The following HIVEP1 variants were observed in gnomAD, a reference collection of about 807,000 sequenced individuals.
HIVEP1 encodes the protein HIVEP zinc finger 1, also known as zinc finger protein 40.
HIVEP1 carries 36 observed loss-of-function variants against 180.0 expected under a neutral mutation model. That is an observed-to-expected ratio of 0.20 (90% CI 0.15 to 0.26). The LOEUF is 0.26. Ranked by LOEUF, HIVEP1 falls within the 10% of genes least tolerant of loss-of-function variation. The probability of loss-of-function intolerance (pLI) is 1.00; values close to 1 mark genes in which losing one functional copy is unlikely to be tolerated. For synonymous variants in HIVEP1, 1,239 were observed against 1,239.0 expected (o/e 1.00, Z 0.00); for missense variants, 3,143 against 3,268.7 (o/e 0.96, Z 0.94).
chr6:12,086,550 C>G (rs537170655), intron 2 of HIVEP1, among the ~76,000 whole-genome samples: 1 of 152,046 alleles, frequency 6.6e-6, no homozygotes, highest in Non-Finnish European at 1.5e-5. Context: ...TTTGCTCCCC[C>G]TCCCCTAAAT....
intron 2 of HIVEP1, among the ~76,000 whole-genome samples, chr6:12,046,630 T>C (rs1391433872): frequency 6.6e-6 from 1 of 151,802 alleles, no homozygotes; most frequent in Non-Finnish European, 1.5e-5. Flanking sequence ...AATACAAAAA[T>C]TAGCCAGGCA....
chr6:12,008,358 A>G (rs187764760), upstream of HIVEP1: 278 of 152,350 alleles, frequency 1.8e-3, no homozygotes, highest in African/African-American at 6.4e-3. Context: ...CTCAGGAAAC[A>G]TACTCCACCA....
At chr6:12,190,195 A>T in the HIVEP1 span, among the ~76,000 whole-genome samples, 3 of 152,238 alleles carry the variant, frequency 2.0e-5, no homozygotes, top group African/African-American at 7.2e-5. Flanking sequence ...GACAGGCTGA[A>T]TCTTCACTCT....
At chr6:12,086,903 C>A (rs982969845) in intron 2 of HIVEP1, among the ~76,000 whole-genome samples, 3 of 152,060 alleles carry the variant, frequency 2.0e-5, no homozygotes, top group Non-Finnish European at 4.4e-5. Context: ...TGACTACTTT[C>A]TTTGTAATTT....
chr6:12,200,041 A>T, the HIVEP1 span, among the ~76,000 whole-genome samples: 22 of 152,202 alleles, frequency 1.4e-4, no homozygotes, highest in African/African-American at 5.3e-4. Flanking sequence ...TGTTGTAAAG[A>T]TGGAGACCAA....
At chr6:12,147,044 G>T (rs1759414864) in intron 7 of HIVEP1, among the ~76,000 whole-genome samples, 1 of 152,174 alleles carries the variant, frequency 6.6e-6, no homozygotes, top group African/African-American at 2.4e-5. Context: ...GGAGTTGCTT[G>T]ACCGAAGACA....
intron 1 of HIVEP1, 83 bp from the exon 2 acceptor site, chr6:12,015,443 G>C (rs1206966782): frequency 9.4e-6 from 5 of 532,160 alleles, no homozygotes; most frequent in Non-Finnish European, 1.7e-5. Flanking sequence ...GTTTAGGTTA[G>C]TGCTCTGCTA....
At position 12,122,111 on chromosome 6, in the gene HIVEP1, C is replaced by T. The variant is rs368881885; in HGVS notation, c.2316C>T (p.Thr772=). The change falls in exon 4 of 9, where the codon ACC becomes ACT. Residue 772 remains threonine (T), a synonymous_variant. Coordinates refer to ENST00000379388, the MANE Select transcript of HIVEP1 (RefSeq NM_002114.4). The stretch of plus-strand genomic sequence containing the variant: ...TGGATAGTGTGAAGCCGCGGAGAAC[C>T]TCACTGTCAAGACGAGGAAGCATTG... The part of the protein sequence containing the change: ...KQLDSVKPRR[T]SLSRRGSIDS... 1 of 1,614,204 alleles carries T rather than the reference C, an allele frequency of 6.2e-7. No individual in the cohort carries two copies. The highest frequency in any genetic ancestry group is 2.2e-5 in the East Asian group (1 of 44,886).
intron 6 of HIVEP1, among the ~76,000 whole-genome samples, 193 bp downstream of exon 6, chr6:12,131,135 C>A (rs1758394938): frequency 6.6e-6 from 1 of 151,776 alleles, no homozygotes; most frequent in South Asian, 2.1e-4. Context: ...TAATTGTACA[C>A]TTTTAGAATA....
intron 2 of HIVEP1, 87 bp from the exon 3 acceptor site, chr6:12,089,097 C>T: frequency 1.5e-6 from 1 of 675,626 alleles, no homozygotes; most frequent in Non-Finnish European, 2.6e-6. Context: ...AGGTATCTGA[C>T]ACTGTTTAAA....
the HIVEP1 span, among the ~76,000 whole-genome samples, chr6:12,203,376 C>A: frequency 6.6e-6 from 1 of 152,206 alleles, no homozygotes; most frequent in Non-Finnish European, 1.5e-5. Context: ...TGGTTTCACA[C>A]CAGTGAAGAG....
Position 12,163,671 on chromosome 6 carries a change from G to T in HIVEP1, c.7367G>T (p.Gly2456Val). Residue 2456 changes from glycine (G) to valine (V), a missense_variant, in exon 9 of 9, where the codon GGA (glycine) becomes GTA (valine). By Grantham distance (109) the Gly-to-Val change is moderately radical. This residue lies in a region of HIVEP1 where 595 missense variants were observed against 602.2 expected (regional missense o/e 0.99). Coordinates refer to ENST00000379388, the MANE Select transcript of HIVEP1 (RefSeq NM_002114.4). ...TEVSGTTNPA[G>V]VAELSSVVPC... ...GTGTCTGGCACTACAAACCCTGCTGGAGTGGCTGAATTAAGCAGTGTTGTG... is the reference window on the plus strand; with the variant it reads ...GTGTCTGGCACTACAAACCCTGCTGTAGTGGCTGAATTAAGCAGTGTTGTG... The T allele has an allele frequency of 6.2e-7, 1 of 1,614,138 alleles. No individual in the cohort carries two copies.
chr6:12,089,171 C>A lies in HIVEP1; in HGVS notation c.41-13C>A, dbSNP rs1554140986. 3.5e-6 allele frequency: 5 copies of A among 1,437,456 alleles called. No homozygotes were observed. The highest frequency in any genetic ancestry group is 3.6e-4 in the Middle Eastern group (2 of 5,550). The allele number at this position is 1,437,456 out of a possible 1,614,324, so 89.0% of individuals were successfully genotyped here. A position where few individuals can be genotyped will look rare whatever the true frequency, so the allele number is the denominator to read the frequency against. ...GGTAAATTAATTTATAAATTTTTCT[C>A]TGTTTTTCTTAGACAAAATTGAAGA... On this transcript the variant is annotated splice_polypyrimidine_tract_variant and intron_variant, in intron 2 of 8. Coordinates refer to ENST00000379388, the MANE Select transcript of HIVEP1 (RefSeq NM_002114.4).
At chr6:12,175,601 C>T in the HIVEP1 span, among the ~76,000 whole-genome samples, 1 of 151,998 alleles carries the variant, frequency 6.6e-6, no homozygotes, top group Non-Finnish European at 1.5e-5. Context: ...TGTTCAAAAC[C>T]ACTTACACCC....
chr6:12,081,005 C>A (rs949009481), intron 2 of HIVEP1, among the ~76,000 whole-genome samples: 2 of 152,104 alleles, frequency 1.3e-5, no homozygotes, highest in African/African-American at 4.8e-5. Flanking sequence ...CCAGCTCCCC[C>A]CTCCTATTCA....
chr6:12,024,141 C>T (rs757811504), intron 2 of HIVEP1, among the ~76,000 whole-genome samples: 7 of 152,068 alleles, frequency 4.6e-5, no homozygotes, highest in African/African-American at 1.7e-4. Context: ...AAACTTATAA[C>T]CAAAGAGAGA....
At chr6:12,091,913 G>A (rs1773503929) in intron 3 of HIVEP1, among the ~76,000 whole-genome samples, 1 of 151,908 alleles carries the variant, frequency 6.6e-6, no homozygotes, top group South Asian at 2.1e-4. Context: ...TCACAGATGT[G>A]GTAATGGAAT....
At chr6:12,107,096 G>A (rs1774478441) in intron 3 of HIVEP1, among the ~76,000 whole-genome samples, 1 of 152,238 alleles carries the variant, frequency 6.6e-6, no homozygotes, top group Admixed American at 6.5e-5. Context: ...TAGCCAATAG[G>A]CACTGTACCT....
chr6:12,099,268 C>T (rs991067664), intron 3 of HIVEP1, among the ~76,000 whole-genome samples: 8 of 150,420 alleles, frequency 5.3e-5, no homozygotes, highest in East Asian at 2.0e-4. Context: ...TGCGGGTTCA[C>T]GCCATTCTCC....
Sources: gnomAD v4.1 joint callset for allele counts (sites outside exome capture counted in the v4.1 genomes callset) on GRCh38, gnomAD v4.1.1 for gene constraint, gnomAD v4.1.1 regional missense constraint, MANE v1.5 for transcripts, NCBI Gene and HGNC (gene_info 2026-07-23, HGNC 2026-07-21) for gene names.